The following PXMP4 variants were observed in gnomAD, a reference collection of about 807,000 sequenced individuals.
The protein encoded by PXMP4 is peroxisomal membrane protein 4.
In PXMP4, 16 loss-of-function variants were observed where a neutral mutation model predicts 21.6. That is an observed-to-expected ratio of 0.74 (90% CI 0.50 to 1.13). The LOEUF (loss-of-function observed/expected upper bound fraction) is 1.13, where lower values mean the gene tolerates loss of function less well. PXMP4 is among the 50% of genes most tolerant of loss of function. PXMP4 has a pLI of 0.00. For missense variants in PXMP4, 240 were observed against 277.7 expected (o/e 0.86, Z 0.96); for synonymous variants, 127 against 123.8 (o/e 1.03, Z -0.17).
Position 33,707,523 on chromosome 20 carries a change from A to T in PXMP4, c.*183T>A. ...GTAGATTCCTCAGCCTGATTCGGCCACTTGTGCCACCATACAAAGGTACCC... is the reference window on the plus strand; with the variant it reads ...GTAGATTCCTCAGCCTGATTCGGCCTCTTGTGCCACCATACAAAGGTACCC... On this transcript the variant is annotated 3_prime_UTR_variant, in exon 4 of 4. Coordinates refer to ENST00000409299, the MANE Select transcript of PXMP4 (RefSeq NM_007238.5). 3 of 880,786 alleles carry T rather than the reference A, an allele frequency of 3.4e-6. No homozygotes were observed. The highest frequency in any genetic ancestry group is 5.0e-6 in the Non-Finnish European group (3 of 597,498). The allele number at this position is 880,786 out of a possible 1,614,324, so 54.6% of individuals were successfully genotyped here. A position where few individuals can be genotyped will look rare whatever the true frequency, so the allele number is the denominator to read the frequency against.
intron 1 of PXMP4, among the ~76,000 whole-genome samples, chr20:33,715,377 G>A (rs1282572038): frequency 1.3e-5 from 2 of 151,774 alleles, no homozygotes; most frequent in Non-Finnish European, 2.9e-5. Context: ...CTGATCTCAG[G>A]TGATCCACTC....
chr20:33,712,237 TC>T (rs2122586192), intron 2 of PXMP4, among the ~76,000 whole-genome samples: 1 of 152,282 alleles, frequency 6.6e-6, no homozygotes, highest in Non-Finnish European at 1.5e-5. Flanking sequence ...CCATGTGGAA[TC>T]TACCAGTTTT....
intron 1 of PXMP4, among the ~76,000 whole-genome samples, chr20:33,719,809 C>T (rs916809421): frequency 2.6e-5 from 4 of 152,174 alleles, no homozygotes; most frequent in Non-Finnish European, 4.4e-5. Flanking sequence ...GAACTGAACC[C>T]AAATGAGGGG....
intron 1 of PXMP4, among the ~76,000 whole-genome samples, chr20:33,715,451 G>A (rs1406758838): frequency 1.3e-5 from 2 of 151,812 alleles, no homozygotes; most frequent in Non-Finnish European, 2.9e-5. Context: ...CTGAGACAGA[G>A]TCTCTCTCTG....
At position 33,720,163 on chromosome 20, in the gene PXMP4, G is replaced by T; in HGVS notation, c.45C>A (p.Asn15Lys). 1.9e-6 allele frequency: 3 copies of T among 1,613,488 alleles called. No homozygotes were observed. The highest frequency in any genetic ancestry group is 2.5e-6 in the Non-Finnish European group (3 of 1,179,906). ...PQLRALLVVV[N>K]ALLRKRRYHA... Reference sequence around the variant, plus strand: ...GGTAGCGGCGCTTGCGCAGCAGTGCGTTGACGACTACGAGCAGAGCCCTTA... The same window carrying T: ...GGTAGCGGCGCTTGCGCAGCAGTGCTTTGACGACTACGAGCAGAGCCCTTA... The change falls in exon 1 of 4, where the codon AAC (asparagine) becomes AAA (lysine). Residue 15 changes from asparagine to lysine, a missense_variant. Coordinates refer to ENST00000409299, the MANE Select transcript of PXMP4 (RefSeq NM_007238.5).
Position 33,707,401 on chromosome 20 carries a change from C to T in PXMP4, c.*305G>A, listed in dbSNP as rs1206425338. ...GAACATACCCACCGGAAAGAGACCTCAGGGCCCTCCTCTGAGCTCCTTGAC... is the reference window on the plus strand; with the variant it reads ...GAACATACCCACCGGAAAGAGACCTTAGGGCCCTCCTCTGAGCTCCTTGAC... On this transcript the variant is annotated 3_prime_UTR_variant, in exon 4 of 4. Coordinates refer to ENST00000409299, the MANE Select transcript of PXMP4 (RefSeq NM_007238.5). The T allele has an allele frequency of 3.0e-6, 1 of 328,452 alleles. No homozygotes were observed. Among genetic ancestry groups the T allele is most frequent in the Non-Finnish European group, 5.7e-6 (1 of 176,618 alleles). The allele number at this position is 328,452 out of a possible 1,614,324, so 20.3% of individuals were successfully genotyped here. A position where few individuals can be genotyped will look rare whatever the true frequency, so the allele number is the denominator to read the frequency against.
In PXMP4 at chr20:33,707,703, G is replaced by A. The variant is rs2018272978; in HGVS notation, c.*3C>T. On this transcript the variant is annotated 3_prime_UTR_variant, in exon 4 of 4. Coordinates refer to ENST00000409299, the MANE Select transcript of PXMP4 (RefSeq NM_007238.5). Reference sequence around the variant, plus strand: ...AGCCACAGCCAGACACCTCAGGGCTGCATTAATTGGAGGGACGGCTCTTGT... The same window carrying A: ...AGCCACAGCCAGACACCTCAGGGCTACATTAATTGGAGGGACGGCTCTTGT... 1 of 1,613,210 alleles carries A rather than the reference G, an allele frequency of 6.2e-7. No homozygotes were observed. The highest frequency in any genetic ancestry group is 1.3e-5 in the African/African-American group (1 of 74,920).
In PXMP4 at chr20:33,714,712, A is replaced by G; in HGVS notation, c.138T>C (p.Pro46=). The change falls in exon 2 of 4, where the codon CCT becomes CCC. Residue 46 remains proline, a synonymous_variant. Coordinates refer to ENST00000409299, the MANE Select transcript of PXMP4 (RefSeq NM_007238.5). ...GAVYGAKIRA[P]HALVMTFLFR... ...AGAGAAAGGTCATGACCAGCGCGTG[A>G]GGGGCCCGGATTTTGGCTCCATAGC... is the stretch of plus-strand genomic sequence containing the variant. The G allele has an allele frequency of 6.2e-7, 1 of 1,614,060 alleles. No individual in the cohort carries two copies. The highest frequency in any genetic ancestry group is 8.5e-7 in the Non-Finnish European group (1 of 1,179,992).
chr20:33,710,662 C>T lies in PXMP4; in HGVS notation c.268G>A (p.Ala90Thr), dbSNP rs371485902. The T allele has an allele frequency of 1.1e-5, 18 of 1,613,946 alleles. No individual in the cohort carries two copies. Among genetic ancestry groups the T allele is most frequent in the Middle Eastern group, 1.7e-4 (1 of 6,056 alleles). Reference protein sequence around the residue: ...RFVFTYKGLRALQSYIQGKTY... With the variant: ...RFVFTYKGLRTLQSYIQGKTY... The stretch of plus-strand genomic sequence containing the variant: ...TTGCCTTGTATGTAGGACTGCAGGG[C>T]ACGGAGACCCTTGTAGGTGAACACA... The change falls in exon 3 of 4, where the codon GCC (alanine) becomes ACC (threonine). Residue 90 changes from alanine (A) to threonine (T), a missense_variant. Ala to Thr is a moderately conservative substitution (Grantham distance 58). Coordinates refer to ENST00000409299, the MANE Select transcript of PXMP4 (RefSeq NM_007238.5).
chr20:33,718,192 T>G (rs1225132832), intron 1 of PXMP4, among the ~76,000 whole-genome samples: 1 of 151,940 alleles, frequency 6.6e-6, no homozygotes, highest in Non-Finnish European at 1.5e-5. Context: ...CAGGCTTGTT[T>G]GAAAAAACAA....
intron 3 of PXMP4, among the ~76,000 whole-genome samples, chr20:33,708,964 G>C (rs1347302369): frequency 6.6e-6 from 1 of 152,214 alleles, no homozygotes; most frequent in Non-Finnish European, 1.5e-5. Context: ...GAGGCAAGTA[G>C]AGAGAGGCTG....
In PXMP4 at chr20:33,706,352, G is replaced by A. The variant is rs946691208; in HGVS notation, c.*1354C>T. On this transcript the variant is annotated 3_prime_UTR_variant, in exon 4 of 4. Transcript: ENST00000409299. ...CATGCCTGTAATCATGGCACTTTGG[G>A]AGACTGAGGCAGGAAGATTGCTTGA... The A allele has an allele frequency of 6.6e-6, 1 of 151,834 alleles. No homozygotes were observed. The highest frequency in any genetic ancestry group is 1.5e-5 in the Non-Finnish European group (1 of 67,980). 9.4% of individuals were successfully genotyped at this position (151,834 alleles called of 1,614,324 possible). A position where few individuals can be genotyped will look rare whatever the true frequency, so the allele number is the denominator to read the frequency against.
At position 33,718,939 on chromosome 20, in the gene PXMP4, A is replaced by C. The variant is rs186593973; in HGVS notation, c.113+1156T>G. Reference sequence around the variant, plus strand: ...GAGATGGAGTTTCACTCTGTCACCCAGGCTGGAGTGCAGTGGCACAATCTC... The same window carrying C: ...GAGATGGAGTTTCACTCTGTCACCCCGGCTGGAGTGCAGTGGCACAATCTC... On this transcript the variant is annotated intron_variant, in intron 1 of 3. Transcript: ENST00000409299. Among the ~76,000 whole-genome samples the C allele has an allele frequency of 2.5e-3, 380 of 152,296 alleles. 3 individuals are homozygous for C. The highest frequency in any genetic ancestry group is 0.021 in the Admixed American group (326 of 15,294).
In PXMP4 at chr20:33,712,475, A is replaced by C. The variant is rs145701911; in HGVS notation, c.177-1722T>G. ...TTTTTTTTTTTTTCCTCTGAGATGGAGTCTAGCTCTGTTGCCCAGGCTGGA... is the reference window on the plus strand; with the variant it reads ...TTTTTTTTTTTTTCCTCTGAGATGGCGTCTAGCTCTGTTGCCCAGGCTGGA... On this transcript the variant is annotated intron_variant, in intron 2 of 3. Coordinates refer to ENST00000409299, the MANE Select transcript of PXMP4 (RefSeq NM_007238.5). 5.5e-3 allele frequency among the ~76,000 whole-genome samples: 830 copies of C among 150,084 alleles called. 8 individuals are homozygous for C. Among genetic ancestry groups the C allele is most frequent in the African/African-American group, 0.02 (796 of 40,742 alleles).
Position 33,710,678 on chromosome 20 carries a change from G to A in PXMP4, c.252C>T (p.Thr84=), listed in dbSNP as rs1321318848. The A allele has an allele frequency of 5.6e-6, 9 of 1,613,820 alleles. No homozygotes were observed. The highest frequency in any genetic ancestry group is 6.8e-6 in the Non-Finnish European group (8 of 1,179,920). Reference sequence around the variant, plus strand: ...ACTGCAGGGCACGGAGACCCTTGTAGGTGAACACAAACCGTGCCAGGTTCC... The same window carrying A: ...ACTGCAGGGCACGGAGACCCTTGTAAGTGAACACAAACCGTGCCAGGTTCC... ...HSWNLARFVF[T]YKGLRALQSY... Residue 84 remains threonine (T), a synonymous_variant, in exon 3 of 4, where the codon ACC becomes ACT. Transcript: ENST00000409299.
intron 1 of PXMP4, among the ~76,000 whole-genome samples, chr20:33,719,709 G>A (rs973407239): frequency 2.6e-5 from 4 of 152,194 alleles, no homozygotes; most frequent in Admixed American, 2.6e-4. Flanking sequence ...ATAGACAGGA[G>A]GCATCCGCCT....
At chr20:33,719,986 G>A in intron 1 of PXMP4, 109 bp downstream of exon 1, 2 of 1,059,350 alleles carry the variant, frequency 1.9e-6, no homozygotes, top group Non-Finnish European at 2.8e-6. Flanking sequence ...AGAGACACAC[G>A]AGGACTGCTC....
intron 3 of PXMP4, among the ~76,000 whole-genome samples, chr20:33,710,025 C>G: frequency 6.7e-6 from 1 of 148,544 alleles, no homozygotes; most frequent in Non-Finnish European, 1.5e-5. Context: ...ACCCCTTCCC[C>G]CACTCCTACC....
In PXMP4 at chr20:33,707,914, T is replaced by A; in HGVS notation, c.431A>T (p.Glu144Val). The A allele has an allele frequency of 6.2e-7, 1 of 1,614,118 alleles. No homozygotes were observed. Among genetic ancestry groups the A allele is most frequent in the Non-Finnish European group, 8.5e-7 (1 of 1,180,036 alleles). The change falls in exon 4 of 4, where the codon GAG becomes GTG. Residue 144 changes from glutamate to valine, a missense_variant. Physicochemically the swap from Glu to Val is moderately radical, Grantham distance 121 (BLOSUM62 -2). Coordinates refer to ENST00000409299, the MANE Select transcript of PXMP4 (RefSeq NM_007238.5). The stretch of plus-strand genomic sequence containing the variant: ...CCTGGGTTCAGGGATGTAGCCCTTC[T>A]CTACAGCCAGGCGGCTCAGGGCAAA... Reference protein sequence around the residue: ...VLFALSRLAVEKGYIPEPRWD... With the variant: ...VLFALSRLAVVKGYIPEPRWD...
Sources: allele counts gnomAD v4.1 joint callset (sites outside exome capture counted in the v4.1 genomes callset), GRCh38; gene constraint gnomAD v4.1.1; transcripts MANE v1.5; gene names NCBI Gene and HGNC (gene_info 2026-07-23, HGNC 2026-07-21).